Variants in SPNS2 observed in about 807,000 individuals in gnomAD.
SPNS2 encodes the protein sphingosine-1-phosphate transporter SPNS2.
SPNS2 carries 37 observed loss-of-function variants against 57.6 expected under a neutral mutation model. The observed-to-expected ratio is 0.64, with a 90% CI of 0.49 to 0.85. SPNS2 has a LOEUF of 0.85. Among genes scored for constraint, SPNS2 ranks in the 40% least tolerant of loss-of-function variants. The probability of loss-of-function intolerance (pLI) is 0.00; values close to 1 mark genes in which losing one functional copy is unlikely to be tolerated. For missense variants in SPNS2, 831 were observed against 779.1 expected (o/e 1.07, Z -0.79); for synonymous variants, 440 against 346.9 (o/e 1.27, Z -2.98).
At chr17:4,530,862 G>C (rs1905435477) in intron 4 of SPNS2, 79 bp downstream of exon 4, 7 of 1,552,366 alleles carry the variant, frequency 4.5e-6, no homozygotes, top group Non-Finnish European at 5.2e-6. Flanking sequence ...CCACTCCCTG[G>C]GGTTCTAGCC....
At chr17:4,536,806 G>A (rs1482513322) in intron 11 of SPNS2, 94 bp from the exon 12 acceptor site, 1 of 1,060,336 alleles carries the variant, frequency 9.4e-7, no homozygotes. Flanking sequence ...AGCACCTCCG[G>A]TCAGCTGGCC....
rs569407200 is a variant in SPNS2 at position 4,516,276 on chromosome 17, T to G, written c.436+2964T>G. On this transcript the variant is annotated intron_variant, in intron 2 of 12. Coordinates refer to ENST00000329078, the MANE Select transcript of SPNS2 (RefSeq NM_001124758.3). ...TTGCAGTAAGCCCAGATTGCGCCAT[T>G]GCACTCCAGCCTGGGTGACAGAGTG... is the stretch of plus-strand genomic sequence containing the variant. Among the ~76,000 whole-genome samples the G allele has an allele frequency of 7.1e-5, 10 of 141,352 alleles. No homozygotes were observed. The East Asian group carries it at 2.2e-3, about 31-fold the overall frequency. 92.7% of individuals were successfully genotyped at this position (141,352 alleles called of 152,430 possible).
In SPNS2 at chr17:4,536,414, G is replaced by A. The variant is rs1360511716; in HGVS notation, c.1595G>A (p.Arg532Lys). Residue 532 changes from arginine (R) to lysine (K), a missense_variant, in exon 11 of 13, where the codon AGG becomes AAG. Around this residue, in one of 2 missense-constraint regions of SPNS2, gnomAD observed 526 missense variants for 400.9 expected, o/e 1.31. Transcript: ENST00000329078. ...CTCTTCTTCGTCAGCGACCGCGCCA[G>A]GGCTGAGCAGCAGTGAGTGGGGGGG... ...TALFFVSDRA[R>K]AEQQVNQLAM... 2 of 1,597,414 alleles carry A rather than the reference G, an allele frequency of 1.3e-6. No individual in the cohort carries two copies. The highest frequency in any genetic ancestry group is 2.2e-5 in the East Asian group (1 of 44,642).
intron 9 of SPNS2, among the ~76,000 whole-genome samples, chr17:4,535,781 G>A (rs1248411867): frequency 6.6e-6 from 1 of 152,124 alleles, no homozygotes; most frequent in African/African-American, 2.4e-5. Flanking sequence ...AGGTCGCAGT[G>A]GTCTGGGTTG....
At chr17:4,505,123 T>G (rs1360953798) in intron 1 of SPNS2, among the ~76,000 whole-genome samples, 1 of 152,198 alleles carries the variant, frequency 6.6e-6, no homozygotes, top group African/African-American at 2.4e-5. Flanking sequence ...TGAACTGTGC[T>G]CTGCTCCGCC....
chr17:4,512,675 C>T lies in SPNS2; in HGVS notation c.371-572C>T, dbSNP rs114239548. On this transcript the variant is annotated intron_variant, in intron 1 of 12. Transcript: ENST00000329078. The surrounding 1 kb of genome is among the most constrained non-coding windows in gnomAD (Gnocchi z 5.2). ...GCGCGCACGGGTATGTGTGTGCGCG[C>T]GTGGGTGTGTATGCATGTGTGCAGG... Among the ~76,000 whole-genome samples, 17 of 151,228 alleles carry T rather than the reference C, an allele frequency of 1.1e-4. No homozygotes were observed. The highest frequency in any genetic ancestry group is 8.9e-5 in the Non-Finnish European group (6 of 67,738).
intron 1 of SPNS2, among the ~76,000 whole-genome samples, chr17:4,500,910 A>C (rs1904483923): frequency 1.3e-5 from 2 of 152,004 alleles, no homozygotes; most frequent in African/African-American, 4.8e-5. Flanking sequence ...CCCAAAGAGA[A>C]ACTTACTTTG....
chr17:4,515,475 C>T (rs1335765648), intron 2 of SPNS2, among the ~76,000 whole-genome samples: 1 of 152,170 alleles, frequency 6.6e-6, no homozygotes. Context: ...GCCTCTGGGC[C>T]ATGGTGAGAA....
chr17:4,505,935 G>A (rs540124017), intron 1 of SPNS2, among the ~76,000 whole-genome samples: 5 of 152,340 alleles, frequency 3.3e-5, no homozygotes, highest in Non-Finnish European at 5.9e-5. Context: ...GTTCCTGAAT[G>A]GGCTTCCAAG....
chr17:4,499,868 AC>A lies in SPNS2; in HGVS notation c.370+457del, dbSNP rs917617988. Among the ~76,000 whole-genome samples the A allele has an allele frequency of 6.7e-6, 1 of 149,904 alleles. No homozygotes were observed. The highest frequency in any genetic ancestry group is 6.6e-5 in the Admixed American group (1 of 15,096). ...GTTCCTTCCTTTCTCCGCCGCCTCCACCCCCCTGCGTGCGTGCGGCGAGTGC... is the reference window on the plus strand; with the variant it reads ...GTTCCTTCCTTTCTCCGCCGCCTCCACCCCCTGCGTGCGTGCGGCGAGTGC... On this transcript the variant is annotated intron_variant, in intron 1 of 12. Transcript: ENST00000329078. The surrounding 1 kb of genome is among the most constrained non-coding windows in gnomAD (Gnocchi z 5.2).
rs1293068843 is a variant in SPNS2 at position 4,499,287 on chromosome 17, C to T, written c.240C>T (p.Cys80=). 16 of 1,492,074 alleles carry T rather than the reference C, an allele frequency of 1.1e-5. No homozygotes were observed. The highest frequency in any genetic ancestry group is 2.5e-5 in the South Asian group (2 of 79,638). 92.4% of individuals were successfully genotyped at this position (1,492,074 alleles called of 1,614,324 possible). The change falls in exon 1 of 13, where the codon TGC becomes TGT. Residue 80 remains cysteine, a synonymous_variant. Coordinates refer to ENST00000329078, the MANE Select transcript of SPNS2 (RefSeq NM_001124758.3). This position sits in a 1 kb window ranked among gnomAD's most constrained non-coding sequence, Gnocchi z 5.2. ...CCGGCACCCCCGGCACCCCCGGCTG[C>T]GCAGCTACTGCAAAGGGCCCCGGCG... ...GPPGTPGTPG[C]AATAKGPGAQ...
At chr17:4,526,565 T>G (rs1905267255) in intron 3 of SPNS2, among the ~76,000 whole-genome samples, 1 of 150,200 alleles carries the variant, frequency 6.7e-6, no homozygotes, top group African/African-American at 2.5e-5. Context: ...ATCGCACCAC[T>G]GCACTCCAGC....
At chr17:4,526,702 AGGGCCT>A (rs1367971763) in intron 3 of SPNS2, among the ~76,000 whole-genome samples, 2 of 152,098 alleles carry the variant, frequency 1.3e-5, no homozygotes, top group Admixed American at 6.5e-5. Context: ...GCCAGGCTAG[AGGGCCT>A]GGGCTTCCTT....
In SPNS2 at chr17:4,535,930, G is replaced by A. The variant is rs1488626804; in HGVS notation, c.1345-146G>A. On this transcript the variant is annotated intron_variant, in intron 9 of 12. Coordinates refer to ENST00000329078, the MANE Select transcript of SPNS2 (RefSeq NM_001124758.3). Reference sequence around the variant, plus strand: ...AGTAGAGGGGACTGTGGGGAGGAGGGCAGGGCCCAGGGGAGAGAGGTGTCA... The same window carrying A: ...AGTAGAGGGGACTGTGGGGAGGAGGACAGGGCCCAGGGGAGAGAGGTGTCA... The A allele has an allele frequency of 7.7e-6, 5 of 649,668 alleles. No individual in the cohort carries two copies. In the Admixed American group the frequency reaches 1.4e-4, roughly 19 times the overall value. 40.2% of individuals were successfully genotyped at this position (649,668 alleles called of 1,614,324 possible).
chr17:4,537,309 C>T (rs564293103), intron 12 of SPNS2, 144 bp from the exon 13 acceptor site: 1 of 422,478 alleles, frequency 2.4e-6, no homozygotes, highest in African/African-American at 2.0e-5. Context: ...GTTATAGCTT[C>T]CCAGCAGCAC....
chr17:4,519,409 G>A (rs1567590977), intron 2 of SPNS2, among the ~76,000 whole-genome samples: 1 of 152,190 alleles, frequency 6.6e-6, no homozygotes, highest in Non-Finnish European at 1.5e-5. Flanking sequence ...TGAGCTCTGG[G>A]CTGCCGTGAG....
chr17:4,534,128 G>GGCTTCAGAA (rs1905642620), intron 9 of SPNS2, among the ~76,000 whole-genome samples: 2 of 152,174 alleles, frequency 1.3e-5, no homozygotes, highest in African/African-American at 4.8e-5. Context: ...GGAGGCTGGC[G>GGCTTCAGAA]GTGCCAGGCT....
At chr17:4,533,875 C>T (rs1262869958) in intron 9 of SPNS2, 22 bp downstream of exon 9, 3 of 1,608,220 alleles carry the variant, frequency 1.9e-6, no homozygotes, top group Non-Finnish European at 2.5e-6. Context: ...AGGCCGAGGT[C>T]ACCTTGTGCT....
At chr17:4,518,247 G>A (rs894438782) in intron 2 of SPNS2, among the ~76,000 whole-genome samples, 3 of 152,192 alleles carry the variant, frequency 2.0e-5, no homozygotes, top group Admixed American at 6.5e-5. Context: ...GTCTCGGGCC[G>A]GGCGCGGTGG....
Sources: gnomAD v4.1 joint callset for allele counts (sites outside exome capture counted in the v4.1 genomes callset) on GRCh38, gnomAD v4.1.1 for gene constraint, gnomAD v4.1.1 regional missense constraint, Gnocchi (gnomAD v3.1) non-coding constraint, MANE v1.5 for transcripts, NCBI Gene and HGNC (gene_info 2026-07-23, HGNC 2026-07-21) for gene names.